Variants in PARP2 observed in about 807,000 individuals in gnomAD.
PARP2 encodes the protein poly [ADP-ribose] polymerase 2.
A neutral mutation model predicts 77.8 loss-of-function variants in PARP2; 57 were observed. The ratio of observed to expected loss-of-function variants is 0.73; its 90% CI spans 0.59 to 0.91. The LOEUF (loss-of-function observed/expected upper bound fraction) is 0.91, where lower values mean the gene tolerates loss of function less well. PARP2 is among the 40% of genes least tolerant of loss of function. The pLI is 0.00. For synonymous variants in PARP2, 226 were observed against 242.6 expected, an observed-to-expected ratio of 0.93 and a Z score of 0.64; for missense variants, 651 against 689.0, an observed-to-expected ratio of 0.94 and a Z score of 0.62.
At chr14:20,345,217 A>G (rs1883669674) in intron 2 of PARP2, 130 bp downstream of exon 2, 19 of 1,107,546 alleles carry the variant, frequency 1.7e-5, no homozygotes, top group Non-Finnish European at 2.3e-5. Context: ...TCCTTTGGGC[A>G]TACCACAGCA....
At position 20,357,204 on chromosome 14, in the gene PARP2, A is replaced by G. The variant is rs528798119; in HGVS notation, c.1428+55A>G. 650 of 1,437,202 alleles carry G rather than the reference A, an allele frequency of 4.5e-4. 3 individuals carry two copies. The African/African-American group carries it at 7.9e-3, about 18-fold the overall frequency. The allele number at this position is 1,437,202 out of a possible 1,614,324, so 89.0% of individuals were successfully genotyped here. ...GTTTATTAATTCCAGTTTTTTTCCGATGAGAAAAGTTTGACCCCAGAACCA... is the reference window on the plus strand; with the variant it reads ...GTTTATTAATTCCAGTTTTTTTCCGGTGAGAAAAGTTTGACCCCAGAACCA... On this transcript the variant is annotated intron_variant, in intron 14 of 15. Transcript: ENST00000429687.
In PARP2 at chr14:20,356,658, C is replaced by T. The variant is rs1239604992; in HGVS notation, c.1298C>T (p.Ala433Val). 6.2e-7 allele frequency: 1 copy of T among 1,613,696 alleles called. No individual in the cohort carries two copies. The highest frequency in any genetic ancestry group is 8.5e-7 in the Non-Finnish European group (1 of 1,179,618). The part of the protein sequence containing the change: ...VGILSHGLRI[A>V]PPEAPITGYM... ...ATCTTGAGCCATGGGCTTCGAATTG[C>T]CCCACCTGAAGCTCCCATCACAGGT... Residue 433 changes from alanine to valine, a missense_variant, in exon 13 of 16, where the codon GCC becomes GTC. Physicochemically the swap from Ala to Val is moderately conservative, Grantham distance 64. Coordinates refer to ENST00000429687, the MANE Select transcript of PARP2 (RefSeq NM_001042618.2).
chr14:20,355,653 C>A, intron 9 of PARP2, 99 bp from the exon 10 acceptor site: 1 of 828,120 alleles, frequency 1.2e-6, no homozygotes, highest in Non-Finnish European at 2.0e-6. Flanking sequence ...TTTCTCATAC[C>A]TGTTTTCTAA....
intron 6 of PARP2, among the ~76,000 whole-genome samples, chr14:20,351,667 C>T (rs1003531063): frequency 6.6e-6 from 1 of 152,104 alleles, no homozygotes; most frequent in Non-Finnish European, 1.5e-5. Flanking sequence ...ATATTTAACA[C>T]ATGACTGACA....
chr14:20,346,234 CTG>C (rs1459043778), intron 3 of PARP2, among the ~76,000 whole-genome samples: 2 of 150,806 alleles, frequency 1.3e-5, no homozygotes, highest in African/African-American at 2.4e-5. Flanking sequence ...TAATGAGAAA[CTG>C]TACCCTGGAA....
At chr14:20,349,480 C>T (rs1566419594) in intron 4 of PARP2, among the ~76,000 whole-genome samples, 1 of 151,506 alleles carries the variant, frequency 6.6e-6, no homozygotes, top group Non-Finnish European at 1.5e-5. Context: ...ACCAGCCTTG[C>T]CAACATGTTG....
At position 20,346,987 on chromosome 14, in the gene PARP2, C is replaced by T. The variant is rs1035548153; in HGVS notation, c.324+74C>T. ...TTGATAATTATTGATGATAGCATCA[C>T]AGTGTTCAGATCTTTAAAGTCCCTT... On this transcript the variant is annotated intron_variant, in intron 4 of 15. Coordinates refer to ENST00000429687, the MANE Select transcript of PARP2 (RefSeq NM_001042618.2). 5.3e-6 allele frequency: 5 copies of T among 938,820 alleles called. No homozygotes were observed. In the Admixed American group the frequency reaches 8.9e-5, roughly 17 times the overall value. The allele number at this position is 938,820 out of a possible 1,614,324, so 58.2% of individuals were successfully genotyped here. A position where few individuals can be genotyped will look rare whatever the true frequency, so the allele number is the denominator to read the frequency against.
intron 13 of PARP2, 38 bp downstream of exon 13, chr14:20,356,727 A>G (rs1884168289): frequency 7.0e-7 from 1 of 1,433,494 alleles, no homozygotes; most frequent in Admixed American, 1.7e-5. Flanking sequence ...CACAGGGGAA[A>G]GGGATACAGT....
intron 4 of PARP2, among the ~76,000 whole-genome samples, chr14:20,347,356 G>GTGTGTA (rs1168423656): frequency 1.9e-3 from 56 of 29,558 alleles, no homozygotes; most frequent in Non-Finnish European, 2.1e-3. Context: ...ATGTGTGTGT[G>GTGTGTA]TATATATATA....
intron 4 of PARP2, 136 bp downstream of exon 4, chr14:20,347,049 A>G (rs565723063): frequency 4.8e-4 from 280 of 577,580 alleles, no homozygotes; most frequent in Non-Finnish European, 6.9e-4. Flanking sequence ...TTCTTTTTGA[A>G]ATGGAGTCTC....
chr14:20,356,757 T>C, intron 13 of PARP2, 68 bp downstream of exon 13: 9 of 1,246,156 alleles, frequency 7.2e-6, no homozygotes, highest in Non-Finnish European at 2.4e-6. Flanking sequence ...AGTGCTTTTT[T>C]TCCTAGATTA....
At chr14:20,356,211 A>C in intron 11 of PARP2, 96 bp from the exon 12 acceptor site, 2 of 1,480,268 alleles carry the variant, frequency 1.4e-6, no homozygotes, top group Non-Finnish European at 1.8e-6. Flanking sequence ...TTGGGAGCAG[A>C]AAGGTCTGCC....
At chr14:20,345,349 C>A (rs944522712) in intron 2 of PARP2, 45 bp from the exon 3 acceptor site, 12 of 1,496,682 alleles carry the variant, frequency 8.0e-6, no homozygotes, top group Non-Finnish European at 1.1e-5. Context: ...ACCACAACAG[C>A]TGTTTTTGAT....
At chr14:20,345,648 G>A (rs1008316382) in intron 3 of PARP2, among the ~76,000 whole-genome samples, 184 bp downstream of exon 3, 3 of 152,160 alleles carry the variant, frequency 2.0e-5, no homozygotes, top group East Asian at 3.8e-4. Context: ...AATAATCAGG[G>A]TGTTTTTTAA....
At chr14:20,347,379 TATATATATATATATA>T (rs1883789731) in intron 4 of PARP2, among the ~76,000 whole-genome samples, 3 of 19,306 alleles carry the variant, frequency 1.6e-4, no homozygotes, top group African/African-American at 4.6e-4. Context: ...TATATATATA[TATATATATATATATA>T]TATATTTTTT....
chr14:20,347,871 AT>A (rs200147712), intron 4 of PARP2, among the ~76,000 whole-genome samples: 31,182 of 138,364 alleles, frequency 0.23, 7,240 homozygotes, highest in African/African-American at 0.6. Context: ...CCTTTTGCAC[AT>A]TTTTTTTTTT....
chr14:20,347,400 T>TA (rs1883804737), intron 4 of PARP2, among the ~76,000 whole-genome samples: 3 of 8,894 alleles, frequency 3.4e-4, no homozygotes, highest in Non-Finnish European at 7.3e-4. Flanking sequence ...ATATATATAT[T>TA]TTTTTTTTTT....
intron 4 of PARP2, among the ~76,000 whole-genome samples, chr14:20,349,917 C>T (rs1021668497): frequency 1.3e-5 from 2 of 152,142 alleles, no homozygotes; most frequent in Non-Finnish European, 2.9e-5. Flanking sequence ...CTTACAGATA[C>T]CTCTTTTTAG....
intron 2 of PARP2, 143 bp downstream of exon 2, chr14:20,345,230 A>G (rs1327929707): frequency 1.5e-5 from 15 of 1,028,664 alleles, no homozygotes; most frequent in Middle Eastern, 2.6e-4. Context: ...CCACAGCACT[A>G]ATCTACTGCC....
Sources: gnomAD v4.1 joint callset for allele counts (sites outside exome capture counted in the v4.1 genomes callset) on GRCh38, gnomAD v4.1.1 for gene constraint, MANE v1.5 for transcripts, NCBI Gene and HGNC (gene_info 2026-07-23, HGNC 2026-07-21) for gene names.